RPA2: variants seen among roughly 807,000 people sequenced by gnomAD.
RPA2 encodes replication protein A2, also known as replication protein A 32 kDa subunit.
Under a neutral mutation model 33.4 loss-of-function variants are expected in RPA2, and 22 were observed. That is an observed-to-expected ratio of 0.66 (90% CI 0.47 to 0.94). RPA2 has a LOEUF of 0.94. Among genes scored for constraint, RPA2 ranks in the 40% least tolerant of loss-of-function variants. The pLI is 0.00. For missense variants in RPA2, 279 were observed against 329.9 expected (o/e 0.85, Z 1.19); for synonymous variants, 109 against 114.9 (o/e 0.95, Z 0.33).
At chr1:27,911,728 C>T (rs1265533619) in intron 2 of RPA2, among the ~76,000 whole-genome samples, 1 of 152,130 alleles carries the variant, frequency 6.6e-6, no homozygotes, top group Non-Finnish European at 1.5e-5. Context: ...CCTTAATATA[C>T]CTGAGTCTCT....
chr1:27,898,587 C>A (rs1279594306), intron 4 of RPA2, among the ~76,000 whole-genome samples: 1 of 151,068 alleles, frequency 6.6e-6, no homozygotes, highest in Non-Finnish European at 1.5e-5. Flanking sequence ...GCTCTGTCAC[C>A]CAGACTGGAG....
intron 8 of RPA2, among the ~76,000 whole-genome samples, chr1:27,892,755 C>T (rs11580653): frequency 0.012 from 1,759 of 152,298 alleles, 14 homozygotes; most frequent in Middle Eastern, 0.02. Context: ...CCACAATCTA[C>T]AGAGCACCTA....
chr1:27,895,301 A>G (rs2089876043), intron 6 of RPA2, among the ~76,000 whole-genome samples: 1 of 152,186 alleles, frequency 6.6e-6, no homozygotes, highest in South Asian at 2.1e-4. Context: ...GCGTACCTGT[A>G]ATCCCAGATA....
intron 1 of RPA2, 128 bp downstream of exon 1, chr1:27,914,306 C>T: frequency 6.2e-7 from 1 of 1,608,704 alleles, no homozygotes; most frequent in Non-Finnish European, 8.5e-7. Context: ...CGGGTGACCC[C>T]CAAACGCCCC....
intron 4 of RPA2, among the ~76,000 whole-genome samples, chr1:27,899,246 C>T (rs1271348567): frequency 2.0e-5 from 3 of 152,098 alleles, no homozygotes; most frequent in Admixed American, 6.6e-5. Flanking sequence ...CAGTGGCTCA[C>T]GCCTGTAATC....
At chr1:27,905,941 TATTA>T (rs780180667) in intron 4 of RPA2, among the ~76,000 whole-genome samples, 38 of 152,364 alleles carry the variant, frequency 2.5e-4, no homozygotes, top group Non-Finnish European at 4.4e-4. Context: ...AGGAGCTTTA[TATTA>T]ATTAAAAATT....
intron 2 of RPA2, among the ~76,000 whole-genome samples, chr1:27,907,584 T>C (rs1006268188): frequency 1.3e-5 from 2 of 152,208 alleles, no homozygotes; most frequent in Non-Finnish European, 1.5e-5. Flanking sequence ...AATGACCTGC[T>C]GCTGCCAGAA....
Position 27,914,078 on chromosome 1 carries a change from T to A in RPA2, c.102A>T (p.Gln34His). The change falls in exon 2 of 9, where the codon CAA (glutamine) becomes CAT (histidine). Residue 34 changes from glutamine to histidine, a missense_variant. By Grantham distance (24) the Gln-to-His change is conservative. Around this residue, in one of 2 missense-constraint regions of RPA2, gnomAD observed 274 missense variants for 310.3 expected, o/e 0.88. Transcript: ENST00000373912. ...PGGFGSPAPS[Q>H]AEKKSRARAQ... is the part of the protein sequence containing the mutation. ...TTCAACCTACTGATTTCTTTTCGGC[T>A]TGAGAAGGTGCGGGCGATCCAAAGC... 6.3e-7 allele frequency: 1 copy of A among 1,598,402 alleles called. No individual in the cohort carries two copies. Among genetic ancestry groups the A allele is most frequent in the Admixed American group, 1.8e-5 (1 of 55,650 alleles).
In RPA2 at chr1:27,906,977, T is replaced by C; in HGVS notation, c.284A>G (p.Asp95Gly). 1 of 1,614,052 alleles carries C rather than the reference T, an allele frequency of 6.2e-7. No individual in the cohort carries two copies. The highest frequency in any genetic ancestry group is 1.1e-5 in the South Asian group (1 of 91,076). Residue 95 changes from aspartate to glycine, a missense_variant, in exon 4 of 9, where the codon GAT (aspartate) becomes GGT (glycine). This residue lies in a region of RPA2 where 274 missense variants were observed against 310.3 expected (regional missense o/e 0.88). Coordinates refer to ENST00000373912, the MANE Select transcript of RPA2 (RefSeq NM_002946.5). ...GTCCATGGGTGCAGCTGTCATGTCA[T>C]CTATTTTGTAAACAATGTTGGTTGG... ...KAPTNIVYKI[D>G]DMTAAPMDVR...
At chr1:27,894,155 C>T in intron 7 of RPA2, 49 bp from the exon 8 acceptor site, 1 of 1,570,166 alleles carries the variant, frequency 6.4e-7, no homozygotes, top group East Asian at 2.2e-5. Context: ...GGATCAGCCT[C>T]CCCTTTGCAA....
At chr1:27,914,266 G>A in intron 1 of RPA2, 97 bp from the exon 2 acceptor site, 2 of 1,596,712 alleles carry the variant, frequency 1.3e-6, no homozygotes, top group Middle Eastern at 1.7e-4. Context: ...CACTGCCCGA[G>A]TCTCCCTAAC....
intron 2 of RPA2, among the ~76,000 whole-genome samples, chr1:27,909,455 C>T (rs1239499808): frequency 6.6e-6 from 1 of 152,060 alleles, no homozygotes; most frequent in African/African-American, 2.4e-5. Context: ...TGGTGGGTAA[C>T]GCCTGTAATC....
In RPA2 at chr1:27,894,412, A is replaced by G; in HGVS notation, c.526-15T>C. ...CCTGCTGAGGGCTGAATTAAGAAAT[A>G]AGTTAGCAATATTAGAAAATCCATC... is the stretch of plus-strand genomic sequence containing the variant. On this transcript the variant is annotated splice_polypyrimidine_tract_variant and intron_variant, in intron 6 of 8. Coordinates refer to ENST00000373912, the MANE Select transcript of RPA2 (RefSeq NM_002946.5). 1 of 1,600,662 alleles carries G rather than the reference A, an allele frequency of 6.2e-7. No homozygotes were observed. The highest frequency in any genetic ancestry group is 1.1e-5 in the South Asian group (1 of 90,054).
chr1:27,913,671 C>T (rs972920606), intron 2 of RPA2, among the ~76,000 whole-genome samples: 11 of 151,936 alleles, frequency 7.2e-5, no homozygotes, highest in African/African-American at 2.7e-4. Flanking sequence ...TACCCCAGCA[C>T]TTTGAGAGGC....
At chr1:27,905,566 C>T (rs1384675014) in intron 4 of RPA2, among the ~76,000 whole-genome samples, 3 of 152,196 alleles carry the variant, frequency 2.0e-5, no homozygotes, top group Non-Finnish European at 4.4e-5. Context: ...GTTGCGATTA[C>T]AGGCGTGAGC....
chr1:27,892,933 A>T (rs145018901), intron 8 of RPA2, among the ~76,000 whole-genome samples: 1 of 152,200 alleles, frequency 6.6e-6, no homozygotes, highest in Non-Finnish European at 1.5e-5. Context: ...ACCATAAGTC[A>T]GTTTGTTTGA....
At chr1:27,913,567 AAC>A (rs2090127876) in intron 2 of RPA2, among the ~76,000 whole-genome samples, 1 of 151,390 alleles carries the variant, frequency 6.6e-6, no homozygotes, top group South Asian at 2.1e-4. Context: ...CAGCCTGGGC[AAC>A]AGAGTGAGGT....
upstream of RPA2, chr1:27,914,784 C>T (rs2090150800): frequency 1.8e-6 from 2 of 1,089,882 alleles, no homozygotes; most frequent in African/African-American, 1.6e-5. Flanking sequence ...CGCAAGAAAT[C>T]AACCAATCAG....
intron 4 of RPA2, among the ~76,000 whole-genome samples, chr1:27,900,258 T>C (rs2089951900): frequency 6.6e-6 from 1 of 152,152 alleles, no homozygotes; most frequent in Non-Finnish European, 1.5e-5. Flanking sequence ...ATTACAGGCA[T>C]GCACCACTGT....
Sources: gnomAD v4.1 joint callset for allele counts (sites outside exome capture counted in the v4.1 genomes callset) on GRCh38, gnomAD v4.1.1 for gene constraint, gnomAD v4.1.1 regional missense constraint, MANE v1.5 for transcripts, NCBI Gene and HGNC (gene_info 2026-07-23, HGNC 2026-07-21) for gene names.